SLC35F4: variants seen among roughly 807,000 people sequenced by gnomAD.
SLC35F4 encodes the protein chromosome 14 open reading frame 36.
A neutral mutation model predicts 44.2 loss-of-function variants in SLC35F4; 24 were observed. The ratio of observed to expected loss-of-function variants is 0.54; its 90% CI spans 0.39 to 0.76. The LOEUF (loss-of-function observed/expected upper bound fraction) is 0.76. Ranked by LOEUF, SLC35F4 falls within the 30% of genes least tolerant of loss-of-function variation. The pLI is 0.00. For synonymous variants in SLC35F4, 238 were observed against 223.6 expected (o/e 1.06, Z -0.57); for missense variants, 562 against 586.1 (o/e 0.96, Z 0.42).
chr14:57,593,564 T>G (rs575429970), intron 2 of SLC35F4, among the ~76,000 whole-genome samples: 3 of 152,200 alleles, frequency 2.0e-5, no homozygotes, highest in Non-Finnish European at 2.9e-5. Context: ...ATTTTACTGG[T>G]GTTTTCATTC....
chr14:57,759,272 G>A (rs978240596), intron 1 of SLC35F4, among the ~76,000 whole-genome samples: 1 of 152,096 alleles, frequency 6.6e-6, no homozygotes, highest in Non-Finnish European at 1.5e-5. Flanking sequence ...GGATCATATG[G>A]TAGTTCTATT....
At chr14:57,702,415 C>G (rs1174855069) in intron 1 of SLC35F4, among the ~76,000 whole-genome samples, 1 of 151,252 alleles carries the variant, frequency 6.6e-6, no homozygotes, top group East Asian at 1.9e-4. Flanking sequence ...ATTGTACTTC[C>G]CTCTATTTTA....
chr14:57,763,463 T>C (rs2077170278), intron 1 of SLC35F4, among the ~76,000 whole-genome samples: 1 of 152,152 alleles, frequency 6.6e-6, no homozygotes, highest in Non-Finnish European at 1.5e-5. Context: ...AGAGTCAGAA[T>C]AGTTGATGTT....
intron 1 of SLC35F4, among the ~76,000 whole-genome samples, chr14:57,712,800 G>T (rs533298803): frequency 1.3e-5 from 2 of 152,262 alleles, no homozygotes; most frequent in African/African-American, 4.8e-5. Flanking sequence ...TCTGCCAAAA[G>T]TAAAAGAAGT....
chr14:57,956,414 G>A (rs1890239134), intron 1 of SLC35F4, among the ~76,000 whole-genome samples: 1 of 152,050 alleles, frequency 6.6e-6, no homozygotes, highest in Non-Finnish European at 1.5e-5. Flanking sequence ...CAAAAGCAAT[G>A]GCAACAAAAG....
At chr14:57,674,408 T>C (rs12435335) in intron 1 of SLC35F4, among the ~76,000 whole-genome samples, 95,935 of 152,026 alleles carry the variant, frequency 0.63, 30,667 homozygotes, top group South Asian at 0.72. Flanking sequence ...CACAAAAAGA[T>C]GTGTACAAGA....
At chr14:57,570,844 AT>A (rs527873801) in intron 5 of SLC35F4, among the ~76,000 whole-genome samples, 25 of 150,686 alleles carry the variant, frequency 1.7e-4, no homozygotes, top group Admixed American at 6.6e-4. Flanking sequence ...AACTGAACTA[AT>A]TTTTTTTTTC....
intron 1 of SLC35F4, among the ~76,000 whole-genome samples, chr14:57,912,084 C>A (rs1374169782): frequency 6.6e-6 from 1 of 151,808 alleles, no homozygotes; most frequent in African/African-American, 2.4e-5. Flanking sequence ...TCTTTATTAT[C>A]CTTTTAATGT....
chr14:57,666,854 C>G (rs1219998020), intron 1 of SLC35F4, among the ~76,000 whole-genome samples: 1 of 151,906 alleles, frequency 6.6e-6, no homozygotes, highest in Non-Finnish European at 1.5e-5. Flanking sequence ...CTCAGTGGAG[C>G]CTGGGCTGGC....
intron 1 of SLC35F4, among the ~76,000 whole-genome samples, chr14:57,812,719 G>A (rs1882110547): frequency 6.6e-6 from 1 of 150,870 alleles, no homozygotes; most frequent in Non-Finnish European, 1.5e-5. Flanking sequence ...AAAAAAAAAA[G>A]CATCTGTTAG....
At chr14:57,733,063 C>T (rs1320876731) in intron 1 of SLC35F4, among the ~76,000 whole-genome samples, 1 of 151,984 alleles carries the variant, frequency 6.6e-6, no homozygotes, top group African/African-American at 2.4e-5. Context: ...ATTCCTAGAA[C>T]ACAGATAATT....
rs554524756 is a variant in SLC35F4 at position 57,916,871 on chromosome 14, C to T, written n.282+65042G>A. On this transcript the variant is annotated intron_variant and non_coding_transcript_variant, in intron 1 of 1. Transcript: ENST00000556568. ...TTTAAATTTTAGATGTTTCTATTGT[C>T]AATCCTCAAGCTCAGGAATTCTTTT... Among the ~76,000 whole-genome samples, 120 of 152,248 alleles carry T rather than the reference C, an allele frequency of 7.9e-4. 1 individual carries two copies. Among genetic ancestry groups the T allele is most frequent in the African/African-American group, 2.7e-3 (113 of 41,542 alleles).
chr14:57,783,310 G>A (rs2077673754), intron 1 of SLC35F4, among the ~76,000 whole-genome samples: 1 of 151,876 alleles, frequency 6.6e-6, no homozygotes, highest in African/African-American at 2.4e-5. Flanking sequence ...AGGCAGCAGA[G>A]AGTTCCCAGA....
intron 1 of SLC35F4, among the ~76,000 whole-genome samples, chr14:57,688,452 G>A (rs1348896715): frequency 6.6e-6 from 1 of 152,014 alleles, no homozygotes; most frequent in African/African-American, 2.4e-5. Context: ...TAAATTACAG[G>A]GTACGATGGA....
In SLC35F4 at chr14:57,649,709, G is replaced by A. The variant is rs570174719; in HGVS notation, c.104-55585C>T. Among the ~76,000 whole-genome samples, 13 of 152,214 alleles carry A rather than the reference G, an allele frequency of 8.5e-5. 1 individual carries two copies. The highest frequency in any genetic ancestry group is 6.8e-3 in the Middle Eastern group (2 of 294). On this transcript the variant is annotated intron_variant, in intron 1 of 7. Transcript: ENST00000556826. ...TATTTTTCTCCACTGTATTTCTAGT[G>A]GCTGGCATGTGATGGGCACTAGGTA...
rs199785589 is a variant in SLC35F4 at position 57,578,325 on chromosome 14, GTTTTTTTTTTTTTTTTTTTTT to G, written c.807+2868_807+2888del. ...GATGACTGAAAGCATCCCTTTAACT[GTTTTTTTTTTTTTTTTTTTTT>G]TTTTTTTTTTTTTTTTTGAGTAGTC... On this transcript the variant is annotated intron_variant, in intron 4 of 7. Transcript: ENST00000556826. Among the ~76,000 whole-genome samples the G allele has an allele frequency of 0.012, 523 of 43,166 alleles. 26 individuals carry two copies. In the East Asian group the frequency reaches 0.23, roughly 19 times the overall value. 28.3% of individuals were successfully genotyped at this position (43,166 alleles called of 152,430 possible).
chr14:57,600,555 A>G (rs914845641), intron 1 of SLC35F4, among the ~76,000 whole-genome samples: 21 of 147,284 alleles, frequency 1.4e-4, no homozygotes, highest in African/African-American at 3.0e-4. Flanking sequence ...AGCCGGGCGT[A>G]GTGGCGGGCG....
rs947790483 is a variant in SLC35F4, at chr14:57,690,258, C to T, written c.104-96134G>A. On this transcript the variant is annotated intron_variant, in intron 1 of 7. Transcript: ENST00000556826. ...AGCACCTACTGTGTGCTAGGTACTA[C>T]GAATACAGTAGCAAATAAGAAAGGT... Among the ~76,000 whole-genome samples the T allele has an allele frequency of 3.3e-5, 5 of 152,116 alleles. No homozygotes were observed. The East Asian group carries it at 5.8e-4, about 18-fold the overall frequency.
At chr14:57,732,966 A>G (rs1459632004) in intron 1 of SLC35F4, among the ~76,000 whole-genome samples, 1 of 152,170 alleles carries the variant, frequency 6.6e-6, no homozygotes, top group Admixed American at 6.5e-5. Flanking sequence ...AGAAAAGGAT[A>G]TGAATTGAGC....
Sources: allele counts gnomAD v4.1 joint callset (sites outside exome capture counted in the v4.1 genomes callset), GRCh38; gene constraint gnomAD v4.1.1; transcripts MANE v1.5; gene names NCBI Gene and HGNC (gene_info 2026-07-23, HGNC 2026-07-21).